CNTLN: variants seen among roughly 807,000 people sequenced by gnomAD.
CNTLN encodes centlein, also known as centlein, centrosomal protein.
CNTLN carries 212 observed loss-of-function variants against 180.0 expected under a neutral mutation model. The observed-to-expected ratio is 1.18, with a 90% CI of 1.05 to 1.32. CNTLN has a LOEUF of 1.32. CNTLN is among the 40% of genes most tolerant of loss of function. The pLI, the probability that CNTLN is intolerant of heterozygous loss-of-function variation, is 0.00. For synonymous variants in CNTLN, 722 were observed against 563.1 expected (o/e 1.28, Z -3.99); for missense variants, 2,095 against 1,610.9 (o/e 1.30, Z -5.14).
chr9:17,305,206 A>G (rs928683966), intron 7 of CNTLN, among the ~76,000 whole-genome samples: 3 of 152,082 alleles, frequency 2.0e-5, no homozygotes. Context: ...AACCTTTTTC[A>G]CTTAATTTCT....
chr9:17,528,378 A>G, the CNTLN span, among the ~76,000 whole-genome samples: 2 of 152,346 alleles, frequency 1.3e-5, no homozygotes, highest in South Asian at 2.1e-4. Context: ...CCCCTAATCC[A>G]TAATCCCAGC....
intron 2 of CNTLN, among the ~76,000 whole-genome samples, chr9:17,144,695 C>T (rs1031283044): frequency 2.5e-4 from 38 of 151,410 alleles, no homozygotes; most frequent in African/African-American, 8.2e-4. Context: ...GTATATTAGA[C>T]GTAGGTGTTC....
At chr9:17,422,924 A>T (rs1583986) in intron 18 of CNTLN, among the ~76,000 whole-genome samples, 125,721 of 151,728 alleles carry the variant, frequency 0.83, 52,970 homozygotes, top group Non-Finnish European at 0.91. Context: ...TGAAGCCACA[A>T]ATCCGCTAGG....
chr9:17,328,387 C>G lies in CNTLN; in HGVS notation c.1342-2245C>G, dbSNP rs568559364. On this transcript the variant is annotated intron_variant, in intron 8 of 25. Coordinates refer to ENST00000380647, the MANE Select transcript of CNTLN (RefSeq NM_017738.4). ...TTAGAAATCCTAATTCTTTGCTTTT[C>G]GTGAAAAATCAGTAAATCTAGCAAC... Among the ~76,000 whole-genome samples, 2 of 152,230 alleles carry G rather than the reference C, an allele frequency of 1.3e-5. 1 individual carries two copies. The highest frequency in any genetic ancestry group is 6.8e-3 in the Middle Eastern group (2 of 294).
chr9:17,495,706 A>G (rs968749720), intron 25 of CNTLN, among the ~76,000 whole-genome samples: 1 of 152,166 alleles, frequency 6.6e-6, no homozygotes, highest in Non-Finnish European at 1.5e-5. Context: ...AGTGTACAGT[A>G]ATGTCCTAAG....
chr9:17,165,933 C>A (rs1204099211), intron 2 of CNTLN, among the ~76,000 whole-genome samples: 1 of 152,204 alleles, frequency 6.6e-6, no homozygotes, highest in South Asian at 2.1e-4. Context: ...ACTATAGAGA[C>A]CTTTGGGCAA....
chr9:17,202,042 C>T (rs1033408680), intron 2 of CNTLN, among the ~76,000 whole-genome samples: 4 of 152,214 alleles, frequency 2.6e-5, no homozygotes, highest in Non-Finnish European at 4.4e-5. Context: ...TCTCTTTGTT[C>T]TCATTGTTTT....
At chr9:17,447,137 G>A (rs556874882) in intron 18 of CNTLN, 11 of 217,290 alleles carry the variant, frequency 5.1e-5, no homozygotes, top group East Asian at 1.1e-4. Context: ...CTCCCGCTGC[G>A]GTGTCAGCTA....
At position 17,296,220 on chromosome 9, in the gene CNTLN, C is replaced by T. The variant is rs146213137; in HGVS notation, c.984-1970C>T. Among the ~76,000 whole-genome samples the T allele has an allele frequency of 9.7e-4, 148 of 152,070 alleles. 2 individuals carry two copies. Among genetic ancestry groups the T allele is most frequent in the South Asian group, 6.2e-3 (30 of 4,806 alleles). ...GTTTCACTATTGGTCAGGCTGGTCT[C>T]GAACTCCTGACCTCAGGTGATCCAT... is the stretch of plus-strand genomic sequence containing the variant. On this transcript the variant is annotated intron_variant, in intron 6 of 25. Transcript: ENST00000380647.
At chr9:17,236,706 A>C in intron 5 of CNTLN, 118 bp downstream of exon 5, 1 of 696,708 alleles carries the variant, frequency 1.4e-6, no homozygotes, top group Non-Finnish European at 2.2e-6. Context: ...GGGGACTAGC[A>C]TTAATTTATA....
Position 17,484,448 on chromosome 9 carries a change from T to A in CNTLN, c.4009T>A (p.Leu1337Ile), listed in dbSNP as rs200069430. 1.2e-5 allele frequency: 20 copies of A among 1,603,788 alleles called. No individual in the cohort carries two copies. In the Admixed American group the frequency reaches 3.3e-4, roughly 27 times the overall value. Reference sequence around the variant, plus strand: ...TATCCTGAACATTTCACGGTCAGATTTAGAGGAAATATTAGACACAGAAGA... The same window carrying A: ...TATCCTGAACATTTCACGGTCAGATATAGAGGAAATATTAGACACAGAAGA... ...ASILNISRSD[L>I]EEILDTEDQV... The change falls in exon 24 of 26, where the codon TTA (leucine) becomes ATA (isoleucine). Residue 1337 changes from leucine (L) to isoleucine (I), a missense_variant. Leu to Ile is a conservative substitution (Grantham distance 5). Coordinates refer to ENST00000380647, the MANE Select transcript of CNTLN (RefSeq NM_017738.4).
intron 2 of CNTLN, among the ~76,000 whole-genome samples, chr9:17,149,414 A>G (rs1818686952): frequency 6.6e-6 from 1 of 152,044 alleles, no homozygotes. Flanking sequence ...CAATGGTTGA[A>G]CTAATTTACA....
chr9:17,375,559 G>A (rs1824690340), intron 13 of CNTLN, among the ~76,000 whole-genome samples: 1 of 152,064 alleles, frequency 6.6e-6, no homozygotes, highest in Admixed American at 6.6e-5. Flanking sequence ...AAGGATAAAT[G>A]ATACTCATTT....
intron 5 of CNTLN, among the ~76,000 whole-genome samples, chr9:17,267,074 T>G (rs1185734136): frequency 6.6e-6 from 1 of 152,196 alleles, no homozygotes; most frequent in East Asian, 1.9e-4. Flanking sequence ...AATTTGGGCC[T>G]GTCATTATGA....
intron 13 of CNTLN, among the ~76,000 whole-genome samples, chr9:17,372,991 A>G (rs1824455075): frequency 1.3e-5 from 2 of 152,194 alleles, no homozygotes; most frequent in Admixed American, 1.3e-4. Context: ...CAGGATAATA[A>G]AAGGCATATA....
chr9:17,492,146 A>G (rs142609850), intron 25 of CNTLN, among the ~76,000 whole-genome samples: 1 of 152,162 alleles, frequency 6.6e-6, no homozygotes, highest in African/African-American at 2.4e-5. Flanking sequence ...TTTTTTTTCA[A>G]TTTAACAAAG....
intron 12 of CNTLN, among the ~76,000 whole-genome samples, chr9:17,351,998 A>T (rs550802062): frequency 4.3e-4 from 66 of 152,308 alleles, no homozygotes; most frequent in African/African-American, 1.5e-3. Flanking sequence ...GATACTGAGA[A>T]TTCTGGGTGG....
At chr9:17,366,573 TAAAAC>T in intron 12 of CNTLN, 39 bp from the exon 13 acceptor site, 2 of 955,994 alleles carry the variant, frequency 2.1e-6, no homozygotes, top group Non-Finnish European at 3.2e-6. Context: ...TTTTTTTAAA[TAAAAC>T]AATATGGTTT....
intron 6 of CNTLN, among the ~76,000 whole-genome samples, chr9:17,284,379 A>G (rs549959813): frequency 2.6e-5 from 4 of 152,194 alleles, no homozygotes; most frequent in African/African-American, 9.6e-5. Context: ...TCAGCTGTAA[A>G]TCCACTGGTC....
Sources: allele counts gnomAD v4.1 joint callset (sites outside exome capture counted in the v4.1 genomes callset), GRCh38; gene constraint gnomAD v4.1.1; transcripts MANE v1.5; gene names NCBI Gene and HGNC (gene_info 2026-07-23, HGNC 2026-07-21).